OR2AK2: variants seen among roughly 807,000 people sequenced by gnomAD.
OR2AK2 encodes the protein olfactory receptor family 2 subfamily AK member 2.
For synonymous variants in OR2AK2, 139 were observed against 147.2 expected, an observed-to-expected ratio of 0.94 and a Z score of 0.40; for missense variants, 392 against 384.1, an observed-to-expected ratio of 1.02 and a Z score of -0.17.
chr1:247,965,569 C>T lies in OR2AK2; in HGVS notation c.193C>T (p.Gln65Ter), dbSNP rs1243131599. Residue 65 changes from glutamine to a stop codon, truncating the protein, a stop_gained, in exon 1 of 1, where the codon CAG becomes TAG. Coordinates refer to ENST00000366480, the Ensembl canonical transcript of OR2AK2. LOFTEE classifies it low-confidence loss of function (END_TRUNC). Reference sequence around the variant, plus strand: ...CACTCCAATGTACTTTCTGCTCAGTCAGCTCTCCATCGTTGACCTCATGTA... The same window carrying T: ...CACTCCAATGTACTTTCTGCTCAGTTAGCTCTCCATCGTTGACCTCATGTA... 2 of 1,604,360 alleles carry T rather than the reference C, an allele frequency of 1.2e-6. No homozygotes were observed. The highest frequency in any genetic ancestry group is 8.5e-7 in the Non-Finnish European group (1 of 1,175,532).
exon 1 of OR2AK2, chr1:247,965,741 G>T (rs758970396): frequency 7.0e-6 from 11 of 1,562,552 alleles, no homozygotes; most frequent in Admixed American, 1.9e-5. Flanking sequence ...TCTTATGATC[G>T]CTATGTAGCT....
exon 1 of OR2AK2, chr1:247,965,693 C>T (rs1406469129): frequency 1.3e-6 from 2 of 1,555,142 alleles, no homozygotes; most frequent in East Asian, 2.2e-5. Context: ...GTGTTCTTGG[C>T]CCTTGGTGGA....
exon 1 of OR2AK2, chr1:247,965,767 C>T (rs767558362): frequency 1.3e-6 from 2 of 1,585,962 alleles, no homozygotes; most frequent in Non-Finnish European, 8.6e-7. Flanking sequence ...TCACCCTTTA[C>T]ATTATCCTAT....
rs192155420 is a variant in OR2AK2, at chr1:247,965,735, A to G, written c.359A>G (p.Tyr120Cys). 66 of 1,561,962 alleles carry G rather than the reference A, an allele frequency of 4.2e-5. No homozygotes were observed. The Admixed American group carries it at 7.8e-4, about 18-fold the overall frequency. ...GCCCTTCTCCTTGGTTTTATGTCTT[A>G]TGATCGCTATGTAGCTATCTGTCAC... The change falls in exon 1 of 1, where the codon TAT becomes TGT. Residue 120 changes from tyrosine to cysteine, a missense_variant. Coordinates refer to ENST00000366480, the Ensembl canonical transcript of OR2AK2.
At chr1:247,966,037 G>A in exon 1 of OR2AK2, 1 of 1,614,022 alleles carries the variant, frequency 6.2e-7, no homozygotes, top group Non-Finnish European at 8.5e-7. Flanking sequence ...CTATGCTCGT[G>A]TGCTTATTGT....
exon 1 of OR2AK2, chr1:247,965,756 G>C (rs1248765655): frequency 6.3e-7 from 1 of 1,575,062 alleles, no homozygotes. Context: ...GTAGCTATCT[G>C]TCACCCTTTA....
At chr1:247,965,374 G>C in exon 1 of OR2AK2, 2 of 1,606,232 alleles carry the variant, frequency 1.2e-6, no homozygotes, top group South Asian at 2.2e-5. Flanking sequence ...TTTGGTTTCA[G>C]CCATGAAAAC....
At chr1:247,965,928 A>T in exon 1 of OR2AK2, 1 of 1,611,230 alleles carries the variant, frequency 6.2e-7, no homozygotes, top group Non-Finnish European at 8.5e-7. Flanking sequence ...TTCCAGCTCT[A>T]CTATCATTGG....
exon 1 of OR2AK2, chr1:247,965,947 G>A: frequency 6.2e-7 from 1 of 1,609,052 alleles, no homozygotes; most frequent in Non-Finnish European, 8.5e-7. Context: ...GGTGTGTCAG[G>A]ACACCTCCCA....
chr1:247,966,352 A>G, exon 1 of OR2AK2: 1 of 1,593,694 alleles, frequency 6.3e-7, no homozygotes, highest in Non-Finnish European at 8.5e-7. Flanking sequence ...GAGCATTAAC[A>G]ACATAAAAAG....
chr1:247,965,890 C>T (rs139465816), exon 1 of OR2AK2: 41 of 1,613,518 alleles, frequency 2.5e-5, no homozygotes, highest in Admixed American at 1.0e-4. Context: ...CTGTAGGTCT[C>T]GGCTCATTAA....
At chr1:247,966,287 T>A in exon 1 of OR2AK2, 2 of 1,613,806 alleles carry the variant, frequency 1.2e-6, no homozygotes, top group South Asian at 2.2e-5. Flanking sequence ...GTGAGGAGAC[T>A]GTTGGGATAT....
rs1157979695 is a variant in OR2AK2, at chr1:247,965,725, T to G, written c.349T>G (p.Phe117Val). 1.3e-6 allele frequency: 2 copies of G among 1,558,900 alleles called. No homozygotes were observed. Among genetic ancestry groups the G allele is most frequent in the Non-Finnish European group, 1.7e-6 (2 of 1,155,278 alleles). ...TGGAACTGAAGCCCTTCTCCTTGGT[T>G]TTATGTCTTATGATCGCTATGTAGC... Residue 117 changes from phenylalanine (F) to valine (V), a missense_variant, in exon 1 of 1, where the codon TTT (phenylalanine) becomes GTT (valine). Coordinates refer to ENST00000366480, the Ensembl canonical transcript of OR2AK2.
chr1:247,965,236 T>C, exon 1 of OR2AK2: 1 of 1,012,600 alleles, frequency 9.9e-7, no homozygotes, highest in Middle Eastern at 2.6e-4. Flanking sequence ...CACTTTGTGC[T>C]CTAAACATGT....
chr1:247,965,892 G>A, exon 1 of OR2AK2: 1 of 1,613,316 alleles, frequency 6.2e-7, no homozygotes. Context: ...GTAGGTCTCG[G>A]CTCATTAACC....
chr1:247,966,167 C>T (rs1282050407), exon 1 of OR2AK2: 1 of 1,614,028 alleles, frequency 6.2e-7, no homozygotes, highest in African/African-American at 1.3e-5. Flanking sequence ...AGGCCACACT[C>T]CTTGCGTTCC....
At chr1:247,966,288 G>T in exon 1 of OR2AK2, 1 of 1,613,802 alleles carries the variant, frequency 6.2e-7, no homozygotes, top group Non-Finnish European at 8.5e-7. Context: ...TGAGGAGACT[G>T]TTGGGATATT....
At chr1:247,966,295 T>C (rs1413863076) in exon 1 of OR2AK2, 2 of 1,613,574 alleles carry the variant, frequency 1.2e-6, no homozygotes, top group Admixed American at 1.7e-5. Flanking sequence ...ACTGTTGGGA[T>C]ATTGGATATG....
chr1:247,965,330 A>G (rs1268917097), exon 1 of OR2AK2: 5 of 1,549,620 alleles, frequency 3.2e-6, no homozygotes, highest in Non-Finnish European at 3.5e-6. Flanking sequence ...CAACATTATT[A>G]CATGAACATT....
Sources: gnomAD v4.1 joint callset for allele counts on GRCh38, gnomAD v4.1.1 for gene constraint, MANE v1.5 for transcripts, NCBI Gene and HGNC (gene_info 2026-07-23, HGNC 2026-07-21) for gene names.